The following SEL1L2 variants were observed in gnomAD, a reference collection of about 807,000 sequenced individuals.
The protein encoded by SEL1L2 is SEL1L2 adaptor subunit of SYVN1 ubiquitin ligase.
A neutral mutation model predicts 98.8 loss-of-function variants in SEL1L2; 89 were observed. The observed-to-expected ratio is 0.90, with a 90% CI of 0.76 to 1.07. The LOEUF (loss-of-function observed/expected upper bound fraction) is 1.07. Ranked by LOEUF, SEL1L2 falls within the 50% of genes least tolerant of loss-of-function variation. SEL1L2 has a pLI of 0.00. For missense variants in SEL1L2, 788 were observed against 812.0 expected, an observed-to-expected ratio of 0.97 and a Z score of 0.36; for synonymous variants, 262 against 278.5, an observed-to-expected ratio of 0.94 and a Z score of 0.59.
At chr20:13,989,574 T>C (rs753886311) in intron 1 of SEL1L2, among the ~76,000 whole-genome samples, 12 of 152,236 alleles carry the variant, frequency 7.9e-5, no homozygotes, top group Non-Finnish European at 1.6e-4. Context: ...AGTCAGTCTT[T>C]CACCATTAAA....
At chr20:13,853,247 G>A (rs960070453) in intron 18 of SEL1L2, among the ~76,000 whole-genome samples, 40 of 151,758 alleles carry the variant, frequency 2.6e-4, no homozygotes, top group African/African-American at 7.3e-4. Flanking sequence ...TGCCCAGGCT[G>A]GAGTACGGTG....
intron 4 of SEL1L2, chr20:13,915,000 G>T: frequency 2.5e-6 from 2 of 804,546 alleles, no homozygotes; most frequent in Non-Finnish European, 3.4e-6. Flanking sequence ...TTATAACTTC[G>T]TTTTGAAGGT....
chr20:13,867,425 T>C (rs2045978683), intron 14 of SEL1L2, among the ~76,000 whole-genome samples: 1 of 152,198 alleles, frequency 6.6e-6, no homozygotes, highest in African/African-American at 2.4e-5. Context: ...ACTTGGGCCA[T>C]TTAGGCACTT....
chr20:13,917,785 T>C (rs113123586), intron 4 of SEL1L2, among the ~76,000 whole-genome samples: 19 of 125,794 alleles, frequency 1.5e-4, no homozygotes, highest in African/African-American at 5.7e-4. Flanking sequence ...TTTCTTTCTT[T>C]CTTTTTTTTT....
intron 12 of SEL1L2, among the ~76,000 whole-genome samples, chr20:13,875,801 G>A (rs2046401580): frequency 1.3e-5 from 2 of 152,178 alleles, no homozygotes; most frequent in African/African-American, 4.8e-5. Flanking sequence ...ACTTCTGTCT[G>A]GCCTCCTCCT....
At chr20:13,905,700 G>A (rs1044750435) in intron 5 of SEL1L2, among the ~76,000 whole-genome samples, 1 of 152,066 alleles carries the variant, frequency 6.6e-6, no homozygotes, top group Non-Finnish European at 1.5e-5. Flanking sequence ...TAAGATAAAG[G>A]TGAGATAAAA....
At chr20:13,934,780 T>C (rs1165261359) in intron 2 of SEL1L2, among the ~76,000 whole-genome samples, 2 of 151,846 alleles carry the variant, frequency 1.3e-5, no homozygotes, top group Admixed American at 1.3e-4. Context: ...CATCTGTTTT[T>C]TTTTATTTTT....
chr20:13,959,285 T>C (rs985276199), intron 1 of SEL1L2, among the ~76,000 whole-genome samples: 3 of 152,136 alleles, frequency 2.0e-5, no homozygotes, highest in African/African-American at 4.8e-5. Context: ...AGCTCAGTGG[T>C]TGGACCAGGA....
At chr20:13,879,812 C>T (rs2046609576) in intron 10 of SEL1L2, among the ~76,000 whole-genome samples, 1 of 152,132 alleles carries the variant, frequency 6.6e-6, no homozygotes, top group Non-Finnish European at 1.5e-5. Flanking sequence ...AATGAGAGAA[C>T]ACTAATATCA....
In SEL1L2 at chr20:13,949,703, A is replaced by AAC. The variant is rs934262389; in HGVS notation, c.114+6372_114+6373insGT. 1.9e-3 allele frequency among the ~76,000 whole-genome samples: 266 copies of AAC among 137,856 alleles called. 1 individual carries two copies. Among genetic ancestry groups the AAC allele is most frequent in the African/African-American group, 7.3e-3 (252 of 34,308 alleles). 90.4% of individuals were successfully genotyped at this position (137,856 alleles called of 152,430 possible). A position where few individuals can be genotyped will look rare whatever the true frequency, so the allele number is the denominator to read the frequency against. On this transcript the variant is annotated intron_variant, in intron 2 of 19. Transcript: ENST00000284951. Reference sequence around the variant, plus strand: ...AAACAAACAACAAAAAAAACCAAACAAACAAAAAAGAACAAGTGCTGGAGA... The same window carrying AAC: ...AAACAAACAACAAAAAAAACCAAACAACAACAAAAAAGAACAAGTGCTGGAGA...
At chr20:13,936,356 G>A (rs934267796) in intron 2 of SEL1L2, among the ~76,000 whole-genome samples, 1 of 152,288 alleles carries the variant, frequency 6.6e-6, no homozygotes, top group Middle Eastern at 3.4e-3. Flanking sequence ...CAGGTTAGGA[G>A]GATGACAGGG....
chr20:13,907,700 CTCTTTCTTTCTTTCTTTCTTTCTT>C (rs10665105), intron 5 of SEL1L2, among the ~76,000 whole-genome samples: 202 of 125,654 alleles, frequency 1.6e-3, no homozygotes, highest in African/African-American at 5.4e-3. Context: ...TTCTTTCTTT[CTCTTTCTTTCTTTCTTTCTTTCTT>C]TCTTTCTTTC....
intron 11 of SEL1L2, 21 bp from the exon 12 acceptor site, chr20:13,876,136 A>G (rs373986550): frequency 1.9e-6 from 3 of 1,577,296 alleles, no homozygotes; most frequent in Non-Finnish European, 2.6e-6. Flanking sequence ...AAATGAAAAG[A>G]GGATAGAAAA....
intron 10 of SEL1L2, among the ~76,000 whole-genome samples, chr20:13,879,962 G>A (rs924190313): frequency 6.6e-6 from 1 of 152,074 alleles, no homozygotes; most frequent in African/African-American, 2.4e-5. Context: ...GTGATCTCAC[G>A]GCACCTCATC....
At chr20:13,876,508 C>A (rs571324951) in intron 11 of SEL1L2, among the ~76,000 whole-genome samples, 1 of 151,016 alleles carries the variant, frequency 6.6e-6, no homozygotes, top group South Asian at 2.1e-4. Flanking sequence ...CTGCAGGGAG[C>A]CAAGGGTGGC....
Position 13,869,498 on chromosome 20 carries a change from C to T in SEL1L2, c.1255+5G>A. The T allele has an allele frequency of 6.2e-7, 1 of 1,607,468 alleles. No individual in the cohort carries two copies. The highest frequency in any genetic ancestry group is 8.5e-7 in the Non-Finnish European group (1 of 1,173,922). ...AAATAAAGCAGCTGTATTTGTGGCA[C>T]TTACAGTAGTACATGAAGCCTAACT... On this transcript the variant is annotated splice_donor_5th_base_variant and intron_variant, in intron 14 of 19. Transcript: ENST00000284951.
intron 1 of SEL1L2, among the ~76,000 whole-genome samples, chr20:13,966,092 C>T (rs1417610188): frequency 6.6e-6 from 1 of 152,182 alleles, no homozygotes; most frequent in Non-Finnish European, 1.5e-5. Flanking sequence ...GAAAATGGTG[C>T]CGATAGACTT....
upstream of SEL1L2, among the ~76,000 whole-genome samples, chr20:13,990,958 C>T (rs549292843): frequency 4.6e-5 from 7 of 152,322 alleles, no homozygotes; most frequent in Non-Finnish European, 1.0e-4. Flanking sequence ...TGACATCATC[C>T]TGTAAGCTGG....
chr20:13,901,071 C>CTTTTTTTTTTTTTTTTTTTTT (rs746353560), intron 5 of SEL1L2, among the ~76,000 whole-genome samples: 3 of 133,304 alleles, frequency 2.3e-5, no homozygotes, highest in Non-Finnish European at 3.2e-5. Flanking sequence ...TTCTTTCTTT[C>CTTTTTTTTTTTTTTTTTTTTT]TTTCTTTTTT....
Sources: allele counts gnomAD v4.1 joint callset (sites outside exome capture counted in the v4.1 genomes callset), GRCh38; gene constraint gnomAD v4.1.1; transcripts MANE v1.5; gene names NCBI Gene and HGNC (gene_info 2026-07-23, HGNC 2026-07-21).